Variants in CCDC93 observed in about 807,000 individuals in gnomAD.
CCDC93 encodes the protein coiled-coil domain-containing protein 93.
CCDC93 carries 61 observed loss-of-function variants against 108.2 expected under a neutral mutation model. The observed-to-expected ratio is 0.56, with a 90% CI of 0.46 to 0.70. The LOEUF (loss-of-function observed/expected upper bound fraction) is 0.70. Ranked by LOEUF, CCDC93 falls within the 30% of genes least tolerant of loss-of-function variation. The pLI, the probability that CCDC93 is intolerant of heterozygous loss-of-function variation, is 0.00. For missense variants in CCDC93, 685 were observed against 764.2 expected (o/e 0.90, Z 1.22); for synonymous variants, 276 against 260.4 (o/e 1.06, Z -0.58).
At chr2:117,995,759 A>T (rs1680628108) in intron 5 of CCDC93, 1 of 360,100 alleles carries the variant, frequency 2.8e-6, no homozygotes, top group African/African-American at 2.1e-5. Flanking sequence ...GAGAGTTCTC[A>T]TTTCAAATCC....
intron 4 of CCDC93, chr2:117,997,125 A>G (rs1266353519): frequency 6.6e-6 from 1 of 152,160 alleles, no homozygotes; most frequent in African/African-American, 2.4e-5. Flanking sequence ...GTTTCATGAA[A>G]TGTTTCCCAG....
intron 6 of CCDC93, among the ~76,000 whole-genome samples, chr2:117,990,820 A>T (rs1295880450): frequency 6.7e-6 from 1 of 148,830 alleles, no homozygotes; most frequent in Admixed American, 6.7e-5. Context: ...GTACAATGCC[A>T]TTTTTTTTTT....
intron 23 of CCDC93, 76 bp downstream of exon 23, chr2:117,930,961 T>C: frequency 1.1e-6 from 1 of 915,122 alleles, no homozygotes; most frequent in South Asian, 1.6e-5. Context: ...AAAAAACTGC[T>C]GTTTTTTAGT....
chr2:118,004,162 T>C (rs766490419), intron 3 of CCDC93, among the ~76,000 whole-genome samples: 1 of 152,206 alleles, frequency 6.6e-6, no homozygotes, highest in Non-Finnish European at 1.5e-5. Context: ...GGTCCAATAC[T>C]CCTATCATAA....
At position 117,931,107 on chromosome 2, in the gene CCDC93, A is replaced by G; in HGVS notation, c.1772T>C (p.Leu591Ser). 1 of 1,613,986 alleles carries G rather than the reference A, an allele frequency of 6.2e-7. No individual in the cohort carries two copies. The highest frequency in any genetic ancestry group is 2.2e-5 in the East Asian group (1 of 44,870). The stretch of plus-strand genomic sequence containing the variant: ...TAACAGCTCCAAGTACTGGTCGTTC[A>G]ACTGGTCTCTTCTCATTTTGTTCTC... ...KQENKMRRDQ[L>S]NDQYLELLEK... Residue 591 changes from leucine to serine, a missense_variant, in exon 23 of 24, where the codon TTG (leucine) becomes TCG (serine). Physicochemically the swap from Leu to Ser is moderately radical, Grantham distance 145. Transcript: ENST00000376300.
chr2:117,986,162 T>C (rs1039510693), intron 6 of CCDC93, 93 bp from the exon 7 acceptor site: 15 of 319,196 alleles, frequency 4.7e-5, no homozygotes, highest in African/African-American at 1.5e-4. Context: ...TATATTCTCT[T>C]TTTTTTTTTT....
chr2:117,986,676 T>C (rs963950468), intron 6 of CCDC93, among the ~76,000 whole-genome samples: 1 of 152,178 alleles, frequency 6.6e-6, no homozygotes, highest in Non-Finnish European at 1.5e-5. Flanking sequence ...TACTTTAGTA[T>C]ACAGTTTCGA....
At chr2:117,965,383 A>T (rs1414956279) in intron 11 of CCDC93, among the ~76,000 whole-genome samples, 2 of 152,086 alleles carry the variant, frequency 1.3e-5, no homozygotes, top group Non-Finnish European at 2.9e-5. Context: ...TTTTCTAACA[A>T]AGCAGTCGGG....
chr2:118,004,315 T>A (rs1676799575), intron 3 of CCDC93, among the ~76,000 whole-genome samples: 1 of 152,240 alleles, frequency 6.6e-6, no homozygotes, highest in Admixed American at 6.5e-5. Context: ...TTTATGGGCC[T>A]CTGGCCATAG....
chr2:117,965,743 G>C (rs182546411), intron 11 of CCDC93, among the ~76,000 whole-genome samples: 14 of 152,110 alleles, frequency 9.2e-5, no homozygotes, highest in African/African-American at 3.4e-4. Context: ...CCTGACTCAC[G>C]CGTAACGCAA....
intron 23 of CCDC93, among the ~76,000 whole-genome samples, chr2:117,928,454 T>C (rs1352554237): frequency 6.6e-6 from 1 of 152,006 alleles, no homozygotes; most frequent in Non-Finnish European, 1.5e-5. Flanking sequence ...GCAAAGGACA[T>C]GAACAGACAC....
chr2:118,004,198 C>T (rs1424405965), intron 3 of CCDC93, among the ~76,000 whole-genome samples: 3 of 152,144 alleles, frequency 2.0e-5, no homozygotes, highest in Non-Finnish European at 2.9e-5. Context: ...CTACTCAAAG[C>T]GGTAGTGAAG....
At chr2:117,955,467 C>T (rs914145517) in intron 12 of CCDC93, among the ~76,000 whole-genome samples, 1 of 152,092 alleles carries the variant, frequency 6.6e-6, no homozygotes, top group Non-Finnish European at 1.5e-5. Flanking sequence ...AAATCAAAAA[C>T]GCATTTTTTG....
chr2:117,960,136 T>C (rs1399134375), intron 11 of CCDC93, among the ~76,000 whole-genome samples: 2 of 152,252 alleles, frequency 1.3e-5, no homozygotes, highest in Non-Finnish European at 2.9e-5. Context: ...CTTAGATTCC[T>C]TGACTTTGAC....
chr2:118,009,648 G>C (rs1676971417), intron 1 of CCDC93, among the ~76,000 whole-genome samples: 1 of 152,076 alleles, frequency 6.6e-6, no homozygotes, highest in South Asian at 2.1e-4. Context: ...CTCCAGCCTT[G>C]GTAACAGAGC....
intron 23 of CCDC93, among the ~76,000 whole-genome samples, chr2:117,928,120 T>G (rs1283245599): frequency 1.3e-5 from 2 of 152,148 alleles, no homozygotes; most frequent in Non-Finnish European, 2.9e-5. Context: ...TCAAGACGGA[T>G]TAAAGACTTA....
chr2:118,004,737 G>A (rs983615711), intron 3 of CCDC93, among the ~76,000 whole-genome samples: 4 of 152,150 alleles, frequency 2.6e-5, no homozygotes, highest in Non-Finnish European at 5.9e-5. Flanking sequence ...CCTTAGTCAC[G>A]TAAACCCGTC....
At chr2:117,999,749 T>C (rs1161022965) in intron 4 of CCDC93, 1 of 152,268 alleles carries the variant, frequency 6.6e-6, no homozygotes, top group Non-Finnish European at 1.5e-5. Context: ...TTATAATACC[T>C]AATACAACGT....
At chr2:117,929,434 C>A (rs1019557211) in intron 23 of CCDC93, among the ~76,000 whole-genome samples, 11 of 152,182 alleles carry the variant, frequency 7.2e-5, no homozygotes, top group African/African-American at 2.4e-4. Context: ...GGAACCCAGA[C>A]CCAAGCCACT....
Sources: allele counts gnomAD v4.1 joint callset (sites outside exome capture counted in the v4.1 genomes callset), GRCh38; gene constraint gnomAD v4.1.1; transcripts MANE v1.5; gene names NCBI Gene and HGNC (gene_info 2026-07-23, HGNC 2026-07-21).